The following DDX1 variants were observed in gnomAD, a reference collection of about 807,000 sequenced individuals.
The protein encoded by DDX1 is ATP-dependent RNA helicase DDX1.
In DDX1, 28 loss-of-function variants were observed where a neutral mutation model predicts 108.7. The ratio of observed to expected loss-of-function variants is 0.26; its 90% CI spans 0.19 to 0.35. The LOEUF is 0.35. DDX1 is among the 10% of genes least tolerant of loss of function. DDX1 has a pLI of 1.00. For synonymous variants in DDX1, 295 were observed against 288.9 expected, an observed-to-expected ratio of 1.02 and a Z score of -0.21; for missense variants, 710 against 884.5, an observed-to-expected ratio of 0.80 and a Z score of 2.50.
At position 15,617,166 on chromosome 2, in the gene DDX1, A is replaced by G. The variant is rs372221695; in HGVS notation, c.1018-78A>G. 312 of 605,314 alleles carry G rather than the reference A, an allele frequency of 5.2e-4. 4 individuals are homozygous for G. In the East Asian group the frequency reaches 8.7e-3, roughly 17 times the overall value. The allele number at this position is 605,314 out of a possible 1,614,324, so 37.5% of individuals were successfully genotyped here. ...CAATATGCATGTTTTTATTAAAAAG[A>G]CAGTTATTGGTTGCTATTTTAACGT... On this transcript the variant is annotated intron_variant, in intron 14 of 25. Transcript: ENST00000233084.
chr2:15,602,597 G>T lies in DDX1; in HGVS notation c.357G>T (p.Trp119Cys). The T allele has an allele frequency of 6.2e-7, 1 of 1,613,632 alleles. No homozygotes were observed. Among genetic ancestry groups the T allele is most frequent in the Non-Finnish European group, 8.5e-7 (1 of 1,179,520 alleles). The change falls in exon 7 of 26, where the codon TGG becomes TGT. Residue 119 changes from tryptophan to cysteine, a missense_variant. Coordinates refer to ENST00000233084, the MANE Select transcript of DDX1 (RefSeq NM_004939.3). ...GTCAAAGCAGAGAAGTAAAGGAATG[G>T]CATGGGTGTAGAGCTACTAAAGGAT... Reference protein sequence around the residue: ...LCCQSREVKEWHGCRATKGLM... With the variant: ...LCCQSREVKECHGCRATKGLM...
intron 4 of DDX1, among the ~76,000 whole-genome samples, 189 bp from the exon 5 acceptor site, chr2:15,597,186 A>T (rs1419226992): frequency 1.3e-5 from 2 of 151,938 alleles, no homozygotes; most frequent in African/African-American, 4.8e-5. Context: ...GCTGCGTCCT[A>T]TTTCCTTCAT....
At chr2:15,599,512 C>G (rs185154846) in intron 5 of DDX1, among the ~76,000 whole-genome samples, 157 bp from the exon 6 acceptor site, 1 of 151,968 alleles carries the variant, frequency 6.6e-6, no homozygotes, top group East Asian at 1.9e-4. Flanking sequence ...GAGGTTTCAC[C>G]ACGTTGGCCA....
At chr2:15,611,583 C>G (rs1397943760) in intron 13 of DDX1, among the ~76,000 whole-genome samples, 11 of 129,958 alleles carry the variant, frequency 8.5e-5, no homozygotes, top group African/African-American at 3.3e-4. Context: ...GACCTCCCTC[C>G]CGGACGGGGC....
intron 19 of DDX1, among the ~76,000 whole-genome samples, chr2:15,626,747 A>T (rs1666105141): frequency 6.6e-6 from 1 of 152,074 alleles, no homozygotes; most frequent in South Asian, 2.1e-4. Flanking sequence ...TTTATGGAGG[A>T]TAGTGAGGTT....
intron 14 of DDX1, 131 bp from the exon 15 acceptor site, chr2:15,617,113 T>TTTA: frequency 2.4e-6 from 1 of 418,444 alleles, no homozygotes; most frequent in Admixed American, 4.2e-5. Flanking sequence ...TTTTTTTTTT[T>TTTA]TATAAATTTA....
At chr2:15,609,741 T>G (rs1280326396) in intron 13 of DDX1, among the ~76,000 whole-genome samples, 1 of 141,030 alleles carries the variant, frequency 7.1e-6, no homozygotes, top group Non-Finnish European at 1.5e-5. Context: ...AAAGTAAAAG[T>G]ATTGTTGGAA....
chr2:15,607,334 G>A, intron 13 of DDX1, 21 bp downstream of exon 13: 1 of 1,609,078 alleles, frequency 6.2e-7, no homozygotes, highest in South Asian at 1.1e-5. Flanking sequence ...CTTTTGTGCT[G>A]AAATGCTTAT....
At chr2:15,623,077 T>C (rs1032386566) in intron 18 of DDX1, among the ~76,000 whole-genome samples, 1 of 152,190 alleles carries the variant, frequency 6.6e-6, no homozygotes, top group Non-Finnish European at 1.5e-5. Context: ...GGGAAGTTCA[T>C]GCAAGGCAGA....
At position 15,606,170 on chromosome 2, in the gene DDX1, C is replaced by T. The variant is rs770183528; in HGVS notation, c.723C>T (p.Asn241=). The T allele has an allele frequency of 8.1e-6, 13 of 1,613,800 alleles. No homozygotes were observed. ...CVLKNAELKF[N]FGEEEFKFPP... ...GCTAGAATGCTGAACTGAAATTTAA[C>T]TTCGGTGAAGAGGAATTTAAGTTTC... is the stretch of plus-strand genomic sequence containing the variant. Residue 241 remains asparagine (N), a synonymous_variant, in exon 12 of 26, where the codon AAC becomes AAT. Coordinates refer to ENST00000233084, the MANE Select transcript of DDX1 (RefSeq NM_004939.3).
intron 16 of DDX1, 89 bp from the exon 17 acceptor site, chr2:15,620,119 A>G: frequency 1.7e-6 from 2 of 1,189,432 alleles, no homozygotes; most frequent in East Asian, 2.4e-5. Flanking sequence ...AGTCTAGGCT[A>G]GCACACTTTG....
chr2:15,596,986 A>G, intron 4 of DDX1, among the ~76,000 whole-genome samples: 1 of 152,242 alleles, frequency 6.6e-6, no homozygotes. Context: ...AGAGAGTTAC[A>G]ATAGCTTTAG....
intron 1 of DDX1, 39 bp downstream of exon 1, chr2:15,591,988 G>C: frequency 7.2e-7 from 1 of 1,396,704 alleles, no homozygotes; most frequent in Middle Eastern, 1.9e-4. Context: ...GGGGCGGCTT[G>C]TTGCACGCCT....
intron 16 of DDX1, among the ~76,000 whole-genome samples, chr2:15,618,500 C>T (rs982749155): frequency 7.9e-5 from 12 of 152,156 alleles, no homozygotes; most frequent in Admixed American, 6.5e-4. Context: ...AGTGGTGAGG[C>T]GTGTATGAGC....
intron 13 of DDX1, among the ~76,000 whole-genome samples, chr2:15,610,741 G>C (rs894052685): frequency 6.6e-6 from 1 of 152,196 alleles, no homozygotes; most frequent in Admixed American, 6.5e-5. Flanking sequence ...AGAATATGTA[G>C]ATGAGAATAA....
Position 15,607,321 on chromosome 2 carries a change from T to A in DDX1, c.956+8T>A, listed in dbSNP as rs201212052. The stretch of plus-strand genomic sequence containing the variant: ...TGATAATCCTAAATTAAGGTAAATC[T>A]TCCTTTTGTGCTGAAATGCTTATTG... On this transcript the variant is annotated splice_region_variant and intron_variant, in intron 13 of 25. Coordinates refer to ENST00000233084, the MANE Select transcript of DDX1 (RefSeq NM_004939.3). 1,013 of 1,611,738 alleles carry A rather than the reference T, an allele frequency of 6.3e-4. 1 individual carries two copies. Among genetic ancestry groups the A allele is most frequent in the Non-Finnish European group, 7.9e-4 (928 of 1,178,296 alleles).
Position 15,592,010 on chromosome 2 carries a change from C to A in DDX1, c.16+61C>A, listed in dbSNP as rs376354826. The A allele has an allele frequency of 6.0e-6, 8 of 1,336,384 alleles. No homozygotes were observed. In the South Asian group the frequency reaches 7.5e-5, roughly 13 times the overall value. The allele number at this position is 1,336,384 out of a possible 1,614,324, so 82.8% of individuals were successfully genotyped here. ...CTTGTTGCACGCCTCAGCCCTGGGG[C>A]CGCCCGCGGAGAGCTAAAGGGGCGG... is the stretch of plus-strand genomic sequence containing the variant. On this transcript the variant is annotated intron_variant, in intron 1 of 25. Coordinates refer to ENST00000233084, the MANE Select transcript of DDX1 (RefSeq NM_004939.3).
intron 18 of DDX1, among the ~76,000 whole-genome samples, chr2:15,621,680 T>G (rs1465226899): frequency 6.6e-6 from 1 of 151,466 alleles, no homozygotes; most frequent in Non-Finnish European, 1.5e-5. Context: ...TGAGACACGG[T>G]CTCACTCTGT....
At chr2:15,596,554 T>C (rs1367373859) in intron 3 of DDX1, among the ~76,000 whole-genome samples, 180 bp from the exon 4 acceptor site, 1 of 152,088 alleles carries the variant, frequency 6.6e-6, no homozygotes, top group Non-Finnish European at 1.5e-5. Flanking sequence ...CTTAAGGGTA[T>C]GGGAAAGGTA....
Sources: gnomAD v4.1 joint callset for allele counts (sites outside exome capture counted in the v4.1 genomes callset) on GRCh38, gnomAD v4.1.1 for gene constraint, MANE v1.5 for transcripts, NCBI Gene and HGNC (gene_info 2026-07-23, HGNC 2026-07-21) for gene names.